KCNJ6: variants seen among roughly 807,000 people sequenced by gnomAD.
The protein encoded by KCNJ6 is potassium inwardly rectifying channel subfamily J member 6, also known as G protein-activated inward rectifier potassium channel 2.
A neutral mutation model predicts 34.2 loss-of-function variants in KCNJ6; 9 were observed. That is an observed-to-expected ratio of 0.26 (90% CI 0.16 to 0.46). KCNJ6 has a LOEUF of 0.46. KCNJ6 is among the 20% of genes least tolerant of loss of function. The pLI is 1.00. For missense variants in KCNJ6, 236 were observed against 531.3 expected (o/e 0.44, Z 5.46); for synonymous variants, 196 against 207.1 (o/e 0.95, Z 0.46).
intron 2 of KCNJ6, among the ~76,000 whole-genome samples, chr21:37,728,709 T>TAC (rs2054868672): frequency 6.6e-6 from 1 of 151,808 alleles, no homozygotes; most frequent in African/African-American, 2.4e-5. Context: ...TATATATATA[T>TAC]ATGTTTGAAT....
At chr21:37,891,542 T>TA (rs1320793320) in intron 1 of KCNJ6, among the ~76,000 whole-genome samples, 4 of 152,148 alleles carry the variant, frequency 2.6e-5, no homozygotes, top group East Asian at 1.9e-4. Context: ...TCTACAAAGT[T>TA]AAAAAAATCC....
At chr21:37,869,315 T>A (rs1305284775) in intron 1 of KCNJ6, among the ~76,000 whole-genome samples, 1 of 152,254 alleles carries the variant, frequency 6.6e-6, no homozygotes, top group East Asian at 1.9e-4. Flanking sequence ...ATTGAGCACC[T>A]ACTGTATGCC....
At chr21:37,800,707 T>C (rs2055265021) in intron 2 of KCNJ6, among the ~76,000 whole-genome samples, 1 of 152,186 alleles carries the variant, frequency 6.6e-6, no homozygotes, top group South Asian at 2.1e-4. Context: ...AGGCACATCC[T>C]GTTTGCCATC....
chr21:37,696,673 G>T (rs369914001), intron 3 of KCNJ6, among the ~76,000 whole-genome samples: 37 of 152,206 alleles, frequency 2.4e-4, no homozygotes, highest in African/African-American at 7.5e-4. Flanking sequence ...TACTATATCA[G>T]ATTAGATATA....
intron 3 of KCNJ6, among the ~76,000 whole-genome samples, chr21:37,657,792 C>G (rs1015929838): frequency 6.6e-6 from 1 of 152,240 alleles, no homozygotes; most frequent in Non-Finnish European, 1.5e-5. Flanking sequence ...ATAACTGACC[C>G]GCCCAGGCCA....
intron 3 of KCNJ6, among the ~76,000 whole-genome samples, chr21:37,704,233 A>T (rs1458611853): frequency 7.9e-6 from 1 of 127,368 alleles, no homozygotes. Flanking sequence ...CGAATCCTTA[A>T]CATCATCTAG....
chr21:37,618,229 C>T lies in KCNJ6; in HGVS notation c.*6930G>A, dbSNP rs772432755. Reference sequence around the variant, plus strand: ...GAGGTTTGGGTAATGCACGGCTGACCGAAACTCTGATCTCTGCACTCCAGT... The same window carrying T: ...GAGGTTTGGGTAATGCACGGCTGACTGAAACTCTGATCTCTGCACTCCAGT... On this transcript the variant is annotated 3_prime_UTR_variant, in exon 4 of 4. Coordinates refer to ENST00000609713, the MANE Select transcript of KCNJ6 (RefSeq NM_002240.5). 7 of 152,182 alleles carry T rather than the reference C, an allele frequency of 4.6e-5. No individual in the cohort carries two copies. The highest frequency in any genetic ancestry group is 2.1e-4 in the South Asian group (1 of 4,822). The allele number at this position is 152,182 out of a possible 1,614,324, so 9.4% of individuals were successfully genotyped here.
intron 3 of KCNJ6, among the ~76,000 whole-genome samples, chr21:37,652,305 T>C (rs923988870): frequency 6.6e-6 from 1 of 152,112 alleles, no homozygotes; most frequent in Admixed American, 6.5e-5. Context: ...TAAAGATCAT[T>C]GATGAGCTGG....
intron 1 of KCNJ6, among the ~76,000 whole-genome samples, chr21:37,912,186 T>C (rs1217387288): frequency 1.3e-5 from 2 of 152,158 alleles, no homozygotes; most frequent in Non-Finnish European, 2.9e-5. Context: ...ACCAAGTGAA[T>C]GGGGGCGAAT....
intron 2 of KCNJ6, among the ~76,000 whole-genome samples, chr21:37,829,427 G>T (rs1256761769): frequency 6.6e-6 from 1 of 152,220 alleles, no homozygotes; most frequent in Non-Finnish European, 1.5e-5. Context: ...CTTTGGAGAG[G>T]TGCTTCTGCA....
In KCNJ6 at chr21:37,610,627, C is replaced by T. The variant is rs1459831060; in HGVS notation, c.*14532G>A. 2 of 103,534 alleles carry T rather than the reference C, an allele frequency of 1.9e-5. No homozygotes were observed. Among genetic ancestry groups the T allele is most frequent in the African/African-American group, 7.7e-5 (2 of 25,852 alleles). 6.4% of individuals were successfully genotyped at this position (103,534 alleles called of 1,614,324 possible). ...AAAAAAAAAAAAAAAAAAAGGAATA[C>T]AAGTCCTACAATGTTTGCTCTTAGA... On this transcript the variant is annotated 3_prime_UTR_variant, in exon 4 of 4. Coordinates refer to ENST00000609713, the MANE Select transcript of KCNJ6 (RefSeq NM_002240.5).
At chr21:37,913,435 C>T (rs1601528419) in intron 1 of KCNJ6, among the ~76,000 whole-genome samples, 1 of 152,218 alleles carries the variant, frequency 6.6e-6, no homozygotes, top group Non-Finnish European at 1.5e-5. Context: ...CTCTCCTTTT[C>T]GGAAGCTCAC....
At chr21:37,763,596 G>A (rs1023495497) in intron 2 of KCNJ6, among the ~76,000 whole-genome samples, 7 of 152,178 alleles carry the variant, frequency 4.6e-5, no homozygotes, top group African/African-American at 1.7e-4. Flanking sequence ...GCCTCACCCT[G>A]TGCTTCTGGT....
At position 37,623,690 on chromosome 21, in the gene KCNJ6, G is replaced by C. The variant is rs889795888; in HGVS notation, c.*1469C>G. The C allele has an allele frequency of 2.7e-5, 4 of 149,322 alleles. No homozygotes were observed. The highest frequency in any genetic ancestry group is 5.0e-5 in the African/African-American group (2 of 40,328). 9.2% of individuals were successfully genotyped at this position (149,322 alleles called of 1,614,324 possible). A position where few individuals can be genotyped will look rare whatever the true frequency, so the allele number is the denominator to read the frequency against. On this transcript the variant is annotated 3_prime_UTR_variant, in exon 4 of 4. Transcript: ENST00000609713. ...AATTAAGGCTGGAATTTTTTTATTT[G>C]TTTTCTTTTGATTGACAGACACTGG...
rs1435366310 is a variant in KCNJ6 at position 37,648,600 on chromosome 21, C to G, written c.947-23116G>C. Among the ~76,000 whole-genome samples the G allele has an allele frequency of 2.6e-5, 4 of 152,264 alleles. No individual in the cohort carries two copies. In the South Asian group the frequency reaches 8.3e-4, roughly 32 times the overall value. ...AAATTGCCAATAGGTGCATTTTCTC[C>G]TAACCAAATTGCCAATAGGTGCAAG... On this transcript the variant is annotated intron_variant, in intron 3 of 3. Transcript: ENST00000609713.
Position 37,620,172 on chromosome 21 carries a change from A to T in KCNJ6, c.*4987T>A, listed in dbSNP as rs1181153573. On this transcript the variant is annotated 3_prime_UTR_variant, in exon 4 of 4. Coordinates refer to ENST00000609713, the MANE Select transcript of KCNJ6 (RefSeq NM_002240.5). The stretch of plus-strand genomic sequence containing the variant: ...ATTTCATAGTACTTAGTACTCTTAC[A>T]TACTATTATTAATAGTACTATTACT... The T allele has an allele frequency of 1.3e-5, 2 of 152,230 alleles. No individual in the cohort carries two copies. Among genetic ancestry groups the T allele is most frequent in the African/African-American group, 4.8e-5 (2 of 41,462 alleles). The allele number at this position is 152,230 out of a possible 1,614,324, so 9.4% of individuals were successfully genotyped here.
chr21:37,782,649 C>T (rs1474762573), intron 2 of KCNJ6, among the ~76,000 whole-genome samples: 1 of 152,136 alleles, frequency 6.6e-6, no homozygotes, highest in African/African-American at 2.4e-5. Flanking sequence ...ATCTATGCAA[C>T]AGAAAATCTG....
At chr21:37,730,802 T>C (rs561281727) in intron 2 of KCNJ6, among the ~76,000 whole-genome samples, 1 of 152,272 alleles carries the variant, frequency 6.6e-6, no homozygotes, top group African/African-American at 2.4e-5. Flanking sequence ...GCTGGACTAA[T>C]TGGCAAAGGC....
intron 2 of KCNJ6, among the ~76,000 whole-genome samples, chr21:37,831,721 C>T (rs529323471): frequency 5.0e-4 from 76 of 152,276 alleles, no homozygotes; most frequent in African/African-American, 1.8e-3. Context: ...CTGTAGCTCA[C>T]CTAGCTCAGC....
Sources: allele counts gnomAD v4.1 joint callset (sites outside exome capture counted in the v4.1 genomes callset), GRCh38; gene constraint gnomAD v4.1.1; transcripts MANE v1.5; gene names NCBI Gene and HGNC (gene_info 2026-07-23, HGNC 2026-07-21).